Variants in HCN4 observed in about 807,000 individuals in gnomAD.
The protein encoded by HCN4 is hyperpolarization activated cyclic nucleotide gated potassium channel 4, also known as potassium/sodium hyperpolarization-activated cyclic nucleotide-gated channel 4.
Under a neutral mutation model 76.9 loss-of-function variants are expected in HCN4, and 29 were observed. The ratio of observed to expected loss-of-function variants is 0.38; its 90% CI spans 0.28 to 0.51. The LOEUF is 0.51. HCN4 is among the 20% of genes least tolerant of loss of function. The pLI is 0.90. For synonymous variants in HCN4, 772 were observed against 762.5 expected, an observed-to-expected ratio of 1.01 and a Z score of -0.21; for missense variants, 1,416 against 1,715.2, an observed-to-expected ratio of 0.83 and a Z score of 3.08.
chr15:73,358,635 C>T (rs2043091696), intron 1 of HCN4, among the ~76,000 whole-genome samples: 1 of 152,176 alleles, frequency 6.6e-6, no homozygotes, highest in Non-Finnish European at 1.5e-5. Flanking sequence ...ACAGGCAGCC[C>T]GCTCAGAGTC....
rs1435673888 is a variant in HCN4, at chr15:73,323,003, G to A, written c.3090C>T (p.His1030=). 2 of 1,460,234 alleles carry A rather than the reference G, an allele frequency of 1.4e-6. No homozygotes were observed. Among genetic ancestry groups the A allele is most frequent in the Non-Finnish European group, 1.8e-6 (2 of 1,106,694 alleles). 90.5% of individuals were successfully genotyped at this position (1,460,234 alleles called of 1,614,324 possible). ...GGAAGGTTCTTGGGGGGCCTGGGCT[G>A]TGGCCAGGGGGGCTGAGACCTCCTC... is the stretch of plus-strand genomic sequence containing the variant. The part of the protein sequence containing the change: ...TPRGGLSPPG[H]SPGPPRTFPS... The change falls in exon 8 of 8, where the codon CAC becomes CAT. Residue 1030 remains histidine (H), a synonymous_variant. Transcript: ENST00000261917.
intron 1 of HCN4, among the ~76,000 whole-genome samples, chr15:73,362,863 G>T (rs757584362): frequency 2.0e-5 from 3 of 152,198 alleles, no homozygotes; most frequent in Non-Finnish European, 4.4e-5. Context: ...TTGCAGCAGG[G>T]AGAACCTGGA....
Position 73,323,606 on chromosome 15 carries a change from C to T in HCN4, c.2487G>A (p.Leu829=), listed in dbSNP as rs1407810811. Residue 829 remains leucine, a synonymous_variant, in exon 8 of 8, where the codon CTG becomes CTA. Transcript: ENST00000261917. Reference sequence around the variant, plus strand: ...CCAGCGCAGAAGGGATCAGGGACTGCAGCCGTTTCAGGTGCCTTGGCGTCT... The same window carrying T: ...CCAGCGCAGAAGGGATCAGGGACTGTAGCCGTTTCAGGTGCCTTGGCGTCT... ...AGQTPRHLKR[L]QSLIPSALGS... is the part of the protein sequence containing the mutation. 1.9e-6 allele frequency: 3 copies of T among 1,600,866 alleles called. No homozygotes were observed. The highest frequency in any genetic ancestry group is 1.1e-5 in the South Asian group (1 of 90,890).
intron 2 of HCN4, chr15:73,335,412 A>G (rs541208093): frequency 1.3e-5 from 2 of 152,436 alleles, no homozygotes; most frequent in South Asian, 2.1e-4. Context: ...AGATTTGGAT[A>G]TTTAAAGTCG....
In HCN4 at chr15:73,322,935, A is replaced by G. The variant is rs2042871166; in HGVS notation, c.3158T>C (p.Leu1053Pro). ...TGGGGGGCTGGATGCAGGTGGCAGG[A>G]GCAAGGATCCGTGGGAGCCAGAGGC... Reference protein sequence around the residue: ...PRASGSHGSLLLPPASSPPPP... With the variant: ...PRASGSHGSLPLPPASSPPPP... Residue 1053 changes from leucine to proline, a missense_variant, in exon 8 of 8, where the codon CTC becomes CCC. Physicochemically the swap from Leu to Pro is moderately conservative, Grantham distance 98 (BLOSUM62 -3). Transcript: ENST00000261917. The G allele has an allele frequency of 7.1e-7, 1 of 1,410,104 alleles. No homozygotes were observed. Among genetic ancestry groups the G allele is most frequent in the Non-Finnish European group, 9.3e-7 (1 of 1,072,952 alleles). The allele number at this position is 1,410,104 out of a possible 1,614,324, so 87.3% of individuals were successfully genotyped here. A position where few individuals can be genotyped will look rare whatever the true frequency, so the allele number is the denominator to read the frequency against.
At chr15:73,358,812 G>C (rs2043092595) in intron 1 of HCN4, among the ~76,000 whole-genome samples, 1 of 152,174 alleles carries the variant, frequency 6.6e-6, no homozygotes. Flanking sequence ...CCAGCTCAGA[G>C]TCACTTGCTC....
At chr15:73,335,232 G>A (rs1036116574) in intron 2 of HCN4, 1 of 152,304 alleles carries the variant, frequency 6.6e-6, no homozygotes, top group African/African-American at 2.4e-5. Flanking sequence ...CCACAGACAG[G>A]AAAGCTGCGC....
At chr15:73,327,114 T>C (rs1052008197) in intron 4 of HCN4, among the ~76,000 whole-genome samples, 2 of 150,132 alleles carry the variant, frequency 1.3e-5, no homozygotes, top group Non-Finnish European at 3.0e-5. Context: ...TTTTCTTTTT[T>C]TTTTTTTTTT....
At chr15:73,332,527 T>TG (rs1202181171) in intron 2 of HCN4, among the ~76,000 whole-genome samples, 5 of 152,130 alleles carry the variant, frequency 3.3e-5, no homozygotes, top group East Asian at 1.9e-4. Flanking sequence ...TCTATACAGA[T>TG]GGGGGGTCTT....
rs1274839090 is a variant in HCN4 at position 73,328,895 on chromosome 15, G to A, written c.1590+678C>T. 6.6e-6 allele frequency among the ~76,000 whole-genome samples: 1 copy of A among 152,204 alleles called. No homozygotes were observed. Among genetic ancestry groups the A allele is most frequent in the Non-Finnish European group, 1.5e-5 (1 of 68,040 alleles). On this transcript the variant is annotated intron_variant, in intron 4 of 7. Coordinates refer to ENST00000261917, the MANE Select transcript of HCN4 (RefSeq NM_005477.3). The surrounding 1 kb of genome is among the most constrained non-coding windows in gnomAD (Gnocchi z 4.0). ...CCTAGTCTCTGGCCTGGGCATCTGGGAAGAGCAGAGACTTGGAGTAGAGAG... is the reference window on the plus strand; with the variant it reads ...CCTAGTCTCTGGCCTGGGCATCTGGAAAGAGCAGAGACTTGGAGTAGAGAG...
At chr15:73,336,830 T>C (rs1012302690) in intron 2 of HCN4, among the ~76,000 whole-genome samples, 1 of 152,152 alleles carries the variant, frequency 6.6e-6, no homozygotes, top group South Asian at 2.1e-4. Flanking sequence ...GAAAGACCTC[T>C]TGGAGACATA....
intron 1 of HCN4, among the ~76,000 whole-genome samples, chr15:73,351,734 G>A (rs2043055859): frequency 6.6e-6 from 1 of 152,134 alleles, no homozygotes; most frequent in Non-Finnish European, 1.5e-5. Flanking sequence ...ATCCTTCTGC[G>A]CTTCCCATCA....
In HCN4 at chr15:73,320,666, AG is replaced by A. The variant is rs1484603699; in HGVS notation, c.*1814del. On this transcript the variant is annotated 3_prime_UTR_variant, in exon 8 of 8. Coordinates refer to ENST00000261917, the MANE Select transcript of HCN4 (RefSeq NM_005477.3). ...TTATGGCTCCTAGTTGCCAGGACTA[AG>A]CCCAGACAATCCCTTACCCTATCAC... The A allele has an allele frequency of 6.6e-6, 1 of 152,168 alleles. No homozygotes were observed. The highest frequency in any genetic ancestry group is 1.5e-5 in the Non-Finnish European group (1 of 68,036). 9.4% of individuals were successfully genotyped at this position (152,168 alleles called of 1,614,324 possible).
intron 1 of HCN4, among the ~76,000 whole-genome samples, chr15:73,347,238 G>A (rs571898142): frequency 6.6e-6 from 1 of 152,252 alleles, no homozygotes; most frequent in East Asian, 1.9e-4. Context: ...GAGGCTGACA[G>A]AGAAGTGTCT....
Position 73,323,099 on chromosome 15 carries a change from TG to T in HCN4, c.2993del (p.Pro998HisfsTer20). The T allele has an allele frequency of 6.3e-7, 1 of 1,589,070 alleles. No homozygotes were observed. Among genetic ancestry groups the T allele is most frequent in the Non-Finnish European group, 8.5e-7 (1 of 1,169,716 alleles). ...CAAGGGACGGCGGCTCAGGCTGCCG[TG>T]GGGGTGTCTCTGGCGTGCTCAGTGG... ...TGPLSTPETP[P>X]RQPEPPSLVA... is the part of the protein sequence containing the mutation. On this transcript the variant is annotated frameshift_variant, in exon 8 of 8. Coordinates refer to ENST00000261917, the MANE Select transcript of HCN4 (RefSeq NM_005477.3). LOFTEE classifies it high-confidence loss of function.
chr15:73,353,004 AGATGGATGGATGGATG>A lies in HCN4; in HGVS notation c.786-9212_786-9197del, dbSNP rs756120632. On this transcript the variant is annotated intron_variant, in intron 1 of 7. Transcript: ENST00000261917. The stretch of plus-strand genomic sequence containing the variant: ...CTTATTGTTAAATGGATGGATGGAC[AGATGGATGGATGGATG>A]GATGGATGGATGGATGGATGGATGG... Among the ~76,000 whole-genome samples, 83 of 150,926 alleles carry A rather than the reference AGATGGATGGATGGATG, an allele frequency of 5.5e-4. 1 individual carries two copies. In the East Asian group the frequency reaches 0.013, roughly 24 times the overall value.
At chr15:73,333,438 G>A (rs2042944765) in intron 2 of HCN4, among the ~76,000 whole-genome samples, 1 of 152,182 alleles carries the variant, frequency 6.6e-6, no homozygotes. Flanking sequence ...CATTTCAGAT[G>A]TGGAAACTAG....
chr15:73,329,558 C>T lies in HCN4; in HGVS notation c.1590+15G>A, dbSNP rs2042920152. Reference sequence around the variant, plus strand: ...GGGAGGGACCAATGTGCGGGTGCTCCCTGGGTAGACCTACCTTTTCCTGGT... The same window carrying T: ...GGGAGGGACCAATGTGCGGGTGCTCTCTGGGTAGACCTACCTTTTCCTGGT... On this transcript the variant is annotated intron_variant, in intron 4 of 7. Transcript: ENST00000261917. 1.2e-6 allele frequency: 2 copies of T among 1,613,176 alleles called. No individual in the cohort carries two copies. The highest frequency in any genetic ancestry group is 1.7e-5 in the Admixed American group (1 of 59,998).
Position 73,342,144 on chromosome 15 carries a change from G to A in HCN4, c.1209+1241C>T, listed in dbSNP as rs532260045. The stretch of plus-strand genomic sequence containing the variant: ...CTGCCAAGTTGTGTAACTTGGGTGG[G>A]TGGCAGACACAGACCGAAGCACTTG... On this transcript the variant is annotated intron_variant, in intron 2 of 7. Transcript: ENST00000261917. Among the ~76,000 whole-genome samples, 39 of 152,344 alleles carry A rather than the reference G, an allele frequency of 2.6e-4. No individual in the cohort carries two copies. The South Asian group carries it at 7.7e-3, about 30-fold the overall frequency.
Sources: gnomAD v4.1 joint callset for allele counts (sites outside exome capture counted in the v4.1 genomes callset) on GRCh38, gnomAD v4.1.1 for gene constraint, Gnocchi (gnomAD v3.1) non-coding constraint, MANE v1.5 for transcripts, NCBI Gene and HGNC (gene_info 2026-07-23, HGNC 2026-07-21) for gene names.